Variants in XPO6 observed in about 807,000 individuals in gnomAD.
XPO6 encodes the protein exportin 6, also known as exportin-6.
Under a neutral mutation model 130.0 loss-of-function variants are expected in XPO6, and 3 were observed. The ratio of observed to expected loss-of-function variants is 0.02; its 90% confidence interval spans 0.01 to 0.06. XPO6 has a LOEUF of 0.06. Among genes scored for constraint, XPO6 ranks in the 10% least tolerant of loss-of-function variants. The pLI, the probability that XPO6 is intolerant of heterozygous loss-of-function variation, is 1.00. For missense variants in XPO6, 970 were observed against 1,393.0 expected, an observed-to-expected ratio of 0.70 and a Z score of 4.83; for synonymous variants, 524 against 548.9, an observed-to-expected ratio of 0.95 and a Z score of 0.63.
At chr16:28,199,425 C>T (rs900198229) in intron 1 of XPO6, among the ~76,000 whole-genome samples, 2 of 152,068 alleles carry the variant, frequency 1.3e-5, no homozygotes, top group African/African-American at 4.8e-5. Flanking sequence ...CAGGTGCCCA[C>T]CACCATGTCC....
At chr16:28,155,899 C>A in intron 7 of XPO6, 175 bp downstream of exon 7, 1 of 1,380,018 alleles carries the variant, frequency 7.2e-7, no homozygotes. Context: ...TTCCCTTAAC[C>A]ACCCAAGCCC....
In XPO6 at chr16:28,117,353, T is replaced by A. The variant is rs1479214715; in HGVS notation, c.1969A>T (p.Thr657Ser). 2.5e-6 allele frequency: 4 copies of A among 1,614,124 alleles called. No homozygotes were observed. The East Asian group carries it at 8.9e-5, about 36-fold the overall frequency. Reference protein sequence around the residue: ...TQQFVTLISTTMDAITPLIST... With the variant: ...TQQFVTLISTSMDAITPLIST... ...ATTAGAGGTGTGATTGCATCCATGGTAGTAGAGATGAGTGTCACGAACTGC... is the reference window on the plus strand; with the variant it reads ...ATTAGAGGTGTGATTGCATCCATGGAAGTAGAGATGAGTGTCACGAACTGC... The change falls in exon 15 of 24, where the codon ACC becomes TCC. Residue 657 changes from threonine to serine, a missense_variant. This residue lies in a region of XPO6 where 936 missense variants were observed against 1,306.8 expected (regional missense o/e 0.72). Coordinates refer to ENST00000304658, the MANE Select transcript of XPO6 (RefSeq NM_015171.4).
At chr16:28,171,452 CAAA>C (rs36000498) in intron 4 of XPO6, among the ~76,000 whole-genome samples, 5 of 99,078 alleles carry the variant, frequency 5.0e-5, no homozygotes, top group Non-Finnish European at 6.2e-5. Flanking sequence ...GACTCTGTCT[CAAA>C]AAAAAAAAAA....
rs1240606135 is a variant in XPO6, at chr16:28,133,886, C to T, written c.1491G>A (p.Val497=). 1.2e-6 allele frequency: 2 copies of T among 1,614,072 alleles called. No individual in the cohort carries two copies. Among genetic ancestry groups the T allele is most frequent in the Non-Finnish European group, 8.5e-7 (1 of 1,180,004 alleles). Residue 497 remains valine, a synonymous_variant, in exon 11 of 24, where the codon GTG becomes GTA. Coordinates refer to ENST00000304658, the MANE Select transcript of XPO6 (RefSeq NM_015171.4). ...QRYLRQSLEV[V]AKVMELLPTH... ...TGGGCAGGAGCTCCATCACTTTGGC[C>T]ACCACCTCCAAGCTCTGCCGTAAGT...
intron 15 of XPO6, among the ~76,000 whole-genome samples, chr16:28,114,728 C>T (rs966233721): frequency 2.0e-5 from 3 of 152,134 alleles, no homozygotes; most frequent in African/African-American, 4.8e-5. Context: ...TTTGCTGCAT[C>T]GATTGACTTC....
Position 28,106,388 on chromosome 16 carries a change from A to G in XPO6, c.2607T>C (p.Phe869=). 6.2e-7 allele frequency: 1 copy of G among 1,613,002 alleles called. No individual in the cohort carries two copies. The highest frequency in any genetic ancestry group is 8.5e-7 in the Non-Finnish European group (1 of 1,178,958). ...GATGGTGGGTCTGTGCTTACCTGGT[A>G]AACATGTTGAGGAAAGTCTGTATGA... is the stretch of plus-strand genomic sequence containing the variant. ...EQIIQTFLNM[F]TREQLAESIL... is the part of the protein sequence containing the mutation. Residue 869 remains phenylalanine, a synonymous_variant, in exon 19 of 24, where the codon TTT becomes TTC. Transcript: ENST00000304658. The surrounding 1 kb of genome is among the most constrained non-coding windows in gnomAD (Gnocchi z 4.2).
At chr16:28,208,603 G>A (rs911061246) in intron 1 of XPO6, among the ~76,000 whole-genome samples, 2 of 152,164 alleles carry the variant, frequency 1.3e-5, no homozygotes, top group East Asian at 1.9e-4. Context: ...GACTTGCAAC[G>A]TACCTCAGAA....
intron 14 of XPO6, among the ~76,000 whole-genome samples, chr16:28,121,116 T>A (rs1471625554): frequency 6.6e-6 from 1 of 152,268 alleles, no homozygotes; most frequent in Non-Finnish European, 1.5e-5. Context: ...GTAGAGTTTC[T>A]GTAGGTAGAG....
In XPO6 at chr16:28,098,322, C is replaced by G. The variant is rs554158279; in HGVS notation, c.*216G>C. 1 of 497,288 alleles carries G rather than the reference C, an allele frequency of 2.0e-6. No homozygotes were observed. Among genetic ancestry groups the G allele is most frequent in the Admixed American group, 3.5e-5 (1 of 28,548 alleles). 30.8% of individuals were successfully genotyped at this position (497,288 alleles called of 1,614,324 possible). A position where few individuals can be genotyped will look rare whatever the true frequency, so the allele number is the denominator to read the frequency against. ...CCACACACCCCTCCGCCTGCTCCAA[C>G]GCCCTGGGAGCACCGTCCAGTGCTC... On this transcript the variant is annotated 3_prime_UTR_variant, in exon 24 of 24. Transcript: ENST00000304658.
intron 14 of XPO6, among the ~76,000 whole-genome samples, chr16:28,119,092 A>T (rs28887606): frequency 0.95 from 145,023 of 152,312 alleles, 69,460 homozygotes; most frequent in Non-Finnish European, 1. Context: ...CATAGCTCAC[A>T]GCAGCCTCCA....
At chr16:28,171,160 T>C (rs2043442370) in intron 4 of XPO6, among the ~76,000 whole-genome samples, 1 of 151,858 alleles carries the variant, frequency 6.6e-6, no homozygotes, top group Non-Finnish European at 1.5e-5. Context: ...ACAGACTTTA[T>C]ATTCTTCACT....
chr16:28,132,000 C>T (rs1204976081), intron 12 of XPO6, among the ~76,000 whole-genome samples: 1 of 152,192 alleles, frequency 6.6e-6, no homozygotes, highest in Non-Finnish European at 1.5e-5. Flanking sequence ...AGCAAGAAAG[C>T]ACAAGGCCAT....
intron 4 of XPO6, 52 bp from the exon 5 acceptor site, chr16:28,169,961 A>G: frequency 6.3e-7 from 1 of 1,599,814 alleles, no homozygotes; most frequent in South Asian, 1.1e-5. Flanking sequence ...TAAAGTACAA[A>G]GAGGACTCAG....
At chr16:28,102,865 G>A (rs1481995690) in intron 21 of XPO6, among the ~76,000 whole-genome samples, 2 of 152,124 alleles carry the variant, frequency 1.3e-5, no homozygotes, top group South Asian at 2.1e-4. Context: ...CGGGGAGGCC[G>A]GTGGTCTGCA....
chr16:28,208,580 T>G (rs897533849), intron 1 of XPO6, among the ~76,000 whole-genome samples: 5 of 152,162 alleles, frequency 3.3e-5, no homozygotes, highest in African/African-American at 4.8e-5. Flanking sequence ...GAGGTCTAGG[T>G]GACAAAAACT....
Position 28,169,926 on chromosome 16 carries a change from T to C in XPO6, c.406-17A>G, listed in dbSNP as rs774767475. ...CTGGATCAACTGCCAGGAAAAAGCA[T>C]GTTCTGAGCAGAGTGTTGGACTAAT... On this transcript the variant is annotated splice_polypyrimidine_tract_variant and intron_variant, in intron 4 of 23. Transcript: ENST00000304658. The C allele has an allele frequency of 1.2e-6, 2 of 1,613,656 alleles. No individual in the cohort carries two copies. The highest frequency in any genetic ancestry group is 1.7e-6 in the Non-Finnish European group (2 of 1,179,674).
intron 1 of XPO6, among the ~76,000 whole-genome samples, chr16:28,201,803 C>T (rs910130516): frequency 1.2e-4 from 18 of 152,042 alleles, no homozygotes; most frequent in African/African-American, 9.7e-5. Context: ...TGTAGTGAGT[C>T]GAGATCACAC....
intron 14 of XPO6, among the ~76,000 whole-genome samples, chr16:28,119,019 C>A (rs1439755506): frequency 6.6e-6 from 1 of 152,132 alleles, no homozygotes; most frequent in Admixed American, 6.6e-5. Context: ...ACTTTATTTA[C>A]TTATTTATGT....
At chr16:28,184,543 T>C (rs1215540932) in intron 1 of XPO6, among the ~76,000 whole-genome samples, 1 of 150,984 alleles carries the variant, frequency 6.6e-6, no homozygotes, top group African/African-American at 2.4e-5. Context: ...AGGAGCTATC[T>C]GCAATATGGA....
Sources: allele counts gnomAD v4.1 joint callset (sites outside exome capture counted in the v4.1 genomes callset), GRCh38; gene constraint gnomAD v4.1.1; regional missense constraint gnomAD v4.1.1; non-coding constraint Gnocchi (gnomAD v3.1); transcripts MANE v1.5; gene names NCBI Gene and HGNC (gene_info 2026-07-23, HGNC 2026-07-21).